The following ANXA8 variants were observed in gnomAD, a reference collection of about 807,000 sequenced individuals.
The protein encoded by ANXA8 is annexin A8.
Under a neutral mutation model 26.8 loss-of-function variants are expected in ANXA8, and 9 were observed. The observed-to-expected ratio is 0.34, with a 90% confidence interval of 0.20 to 0.59. The LOEUF (loss-of-function observed/expected upper bound fraction) is 0.59. Ranked by LOEUF, ANXA8 falls within the 20% of genes least tolerant of loss-of-function variation. ANXA8 has a pLI of 0.84. For missense variants in ANXA8, 83 were observed against 238.5 expected (o/e 0.35, Z 4.29); for synonymous variants, 39 against 94.8 (o/e 0.41, Z 3.42).
At chr10:47,665,392 G>T in the ANXA8 span, among the ~76,000 whole-genome samples, 1 of 150,974 alleles carries the variant, frequency 6.6e-6, no homozygotes, top group Non-Finnish European at 1.5e-5. Flanking sequence ...ACACTTTATT[G>T]TTCTTGGTGC....
the ANXA8 span, among the ~76,000 whole-genome samples, chr10:47,546,548 A>G: frequency 1.3e-4 from 17 of 134,706 alleles, no homozygotes; most frequent in African/African-American, 2.5e-4. Context: ...GACTACAGGC[A>G]CCCACCACCA....
chr10:47,768,727 T>C, the ANXA8 span, among the ~76,000 whole-genome samples: 5 of 151,774 alleles, frequency 3.3e-5, no homozygotes, highest in South Asian at 1.0e-3. Flanking sequence ...AGAGCTTGCT[T>C]TCTGTCCCCT....
the ANXA8 span, among the ~76,000 whole-genome samples, chr10:47,699,245 G>A: frequency 3.4e-5 from 5 of 147,950 alleles, no homozygotes; most frequent in African/African-American, 1.3e-4. Flanking sequence ...CTACTCAGGA[G>A]GCTGAGGCAT....
At chr10:47,945,131 C>T in the ANXA8 span, among the ~76,000 whole-genome samples, 1 of 150,254 alleles carries the variant, frequency 6.7e-6, no homozygotes, top group Non-Finnish European at 1.5e-5. Context: ...GTTCGACCCT[C>T]TTGTGGTTCA....
the ANXA8 span, among the ~76,000 whole-genome samples, chr10:47,632,307 TA>T: frequency 6.6e-6 from 1 of 150,528 alleles, no homozygotes; most frequent in Non-Finnish European, 1.5e-5. Flanking sequence ...TTTGAGATCC[TA>T]ATCCTACCAA....
chr10:47,939,972 T>TC, the ANXA8 span, among the ~76,000 whole-genome samples: 2 of 139,228 alleles, frequency 1.4e-5, no homozygotes, highest in Non-Finnish European at 3.1e-5. Context: ...ACCCCCTCAC[T>TC]CCCACCCCAT....
chr10:47,648,013 C>G, the ANXA8 span, among the ~76,000 whole-genome samples: 18 of 151,994 alleles, frequency 1.2e-4, no homozygotes, highest in Middle Eastern at 6.8e-3. Context: ...TAAAAGCCTT[C>G]CTGAGCTGAG....
the ANXA8 span, among the ~76,000 whole-genome samples, chr10:47,646,849 A>G: frequency 6.6e-6 from 1 of 152,128 alleles, no homozygotes; most frequent in African/African-American, 2.4e-5. Context: ...AGAAAGTAAC[A>G]AAATAGAAAC....
the ANXA8 span, among the ~76,000 whole-genome samples, chr10:47,664,538 A>G: frequency 6.6e-6 from 1 of 151,210 alleles, no homozygotes; most frequent in Non-Finnish European, 1.5e-5. Flanking sequence ...ACTGCACTCC[A>G]GCCTGGGCTA....
At chr10:47,677,094 G>A in the ANXA8 span, among the ~76,000 whole-genome samples, 30 of 147,816 alleles carry the variant, frequency 2.0e-4, no homozygotes, top group Non-Finnish European at 8.9e-5. Context: ...ATATCAAAAA[G>A]GGAAAGAATT....
chr10:47,701,602 C>T, the ANXA8 span, among the ~76,000 whole-genome samples: 2 of 151,516 alleles, frequency 1.3e-5, no homozygotes, highest in African/African-American at 2.4e-5. Flanking sequence ...ATAAACCCCC[C>T]AAAACTGTAT....
chr10:47,981,022 T>C, the ANXA8 span, among the ~76,000 whole-genome samples: 4 of 151,370 alleles, frequency 2.6e-5, no homozygotes, highest in African/African-American at 4.8e-5. Context: ...CACAGCAATA[T>C]CTTTCATGAA....
At chr10:47,644,954 C>T in the ANXA8 span, among the ~76,000 whole-genome samples, 43 of 151,860 alleles carry the variant, frequency 2.8e-4, no homozygotes, top group African/African-American at 9.9e-4. Context: ...CATATTGCTC[C>T]TTCTTGTCCA....
At chr10:47,776,990 CT>C in the ANXA8 span, among the ~76,000 whole-genome samples, 8 of 151,932 alleles carry the variant, frequency 5.3e-5, 1 homozygote, top group Non-Finnish European at 5.9e-5. Flanking sequence ...GCTCGCCCCT[CT>C]GGTTAAAAGT....
the ANXA8 span, among the ~76,000 whole-genome samples, chr10:47,974,358 AT>A: frequency 6.9e-6 from 1 of 144,700 alleles, no homozygotes; most frequent in Admixed American, 7.0e-5. Flanking sequence ...TTTTGGTTTC[AT>A]TTATCTTTTG....
At chr10:47,750,940 C>A in the ANXA8 span, 1 of 149,872 alleles carries the variant, frequency 6.7e-6, no homozygotes, top group African/African-American at 2.5e-5. Flanking sequence ...TAAGTCATCA[C>A]ATCCAAAGAA....
the ANXA8 span, among the ~76,000 whole-genome samples, chr10:47,778,045 G>T: frequency 2.0e-5 from 3 of 152,022 alleles, no homozygotes; most frequent in South Asian, 2.1e-4. Flanking sequence ...GGTAACACAT[G>T]CCCCTTAAAA....
the ANXA8 span, among the ~76,000 whole-genome samples, chr10:47,510,653 AC>A: frequency 8.4e-6 from 1 of 118,506 alleles, no homozygotes; most frequent in East Asian, 4.1e-4. Context: ...ACATGGTGAA[AC>A]CCCGTCTCTA....
chr10:47,991,737 AAG>A, the ANXA8 span: 1 of 1,610,470 alleles, frequency 6.2e-7, no homozygotes, highest in Non-Finnish European at 8.5e-7. Context: ...CACGGAGATG[AAG>A]AGACACAGGT....
Sources: allele counts gnomAD v4.1 joint callset (sites outside exome capture counted in the v4.1 genomes callset), GRCh38; gene constraint gnomAD v4.1.1; transcripts MANE v1.5; gene names NCBI Gene and HGNC (gene_info 2026-07-23, HGNC 2026-07-21).